ABCC9: variants seen among roughly 807,000 people sequenced by gnomAD.
ABCC9 encodes ATP-binding cassette sub-family C member 9.
ABCC9 carries 95 observed loss-of-function variants against 188.3 expected under a neutral mutation model. The ratio of observed to expected loss-of-function variants is 0.50; its 90% CI spans 0.43 to 0.60. The LOEUF is 0.60. Among genes scored for constraint, ABCC9 ranks in the 20% least tolerant of loss-of-function variants. The pLI, the probability that ABCC9 is intolerant of heterozygous loss-of-function variation, is 0.00. For missense variants in ABCC9, 1,102 were observed against 1,876.3 expected, an observed-to-expected ratio of 0.59 and a Z score of 7.62; for synonymous variants, 659 against 652.7, an observed-to-expected ratio of 1.01 and a Z score of -0.15.
At chr12:21,899,611 C>G (rs1029210009) in intron 12 of ABCC9, among the ~76,000 whole-genome samples, 12 of 152,228 alleles carry the variant, frequency 7.9e-5, no homozygotes, top group African/African-American at 2.9e-4. Context: ...CACTCCCACT[C>G]TAATACTGTG....
At chr12:21,828,728 A>AATG (rs1943537055) in intron 31 of ABCC9, among the ~76,000 whole-genome samples, 1 of 152,200 alleles carries the variant, frequency 6.6e-6, no homozygotes, top group Non-Finnish European at 1.5e-5. Flanking sequence ...TCTAGAAACT[A>AATG]ATGAACACAA....
At chr12:21,887,758 A>G in intron 15 of ABCC9, 68 bp downstream of exon 15, 1 of 1,024,654 alleles carries the variant, frequency 9.8e-7, no homozygotes, top group South Asian at 1.3e-5. Flanking sequence ...ACTCAGTTGT[A>G]TTAATCTGTC....
intron 31 of ABCC9, among the ~76,000 whole-genome samples, chr12:21,825,445 A>G (rs58291806): frequency 0.058 from 8,787 of 152,316 alleles, 356 homozygotes; most frequent in South Asian, 0.11. Context: ...CATATACACC[A>G]TGGAATACTA....
intron 36 of ABCC9, among the ~76,000 whole-genome samples, chr12:21,811,519 C>T (rs1237176878): frequency 2.6e-5 from 4 of 151,878 alleles, no homozygotes; most frequent in Admixed American, 6.6e-5. Context: ...CCTAGAGTAA[C>T]GGTTTGAGAA....
chr12:21,917,682 T>C (rs1412148671), intron 5 of ABCC9, among the ~76,000 whole-genome samples: 1 of 152,166 alleles, frequency 6.6e-6, no homozygotes, highest in Non-Finnish European at 1.5e-5. Flanking sequence ...AATGGTCTTA[T>C]AGAGCGAACT....
intron 5 of ABCC9, among the ~76,000 whole-genome samples, chr12:21,920,180 C>G (rs1948754848): frequency 6.6e-6 from 1 of 151,800 alleles, no homozygotes; most frequent in Non-Finnish European, 1.5e-5. Flanking sequence ...AATCAGGAAC[C>G]AGAGAGGATT....
At chr12:21,893,874 TAAATA>T (rs1947284144) in intron 14 of ABCC9, among the ~76,000 whole-genome samples, 153 bp downstream of exon 14, 1 of 152,124 alleles carries the variant, frequency 6.6e-6, no homozygotes, top group South Asian at 2.1e-4. Flanking sequence ...TTACATGAAA[TAAATA>T]AAAGACTGAA....
intron 3 of ABCC9, among the ~76,000 whole-genome samples, chr12:21,934,947 T>C (rs906643197): frequency 6.6e-6 from 1 of 152,088 alleles, no homozygotes; most frequent in Non-Finnish European, 1.5e-5. Context: ...CATAGGCAAG[T>C]TCTATGTCTT....
chr12:21,912,708 T>A (rs1948376161), intron 8 of ABCC9, among the ~76,000 whole-genome samples, 164 bp downstream of exon 8: 1 of 151,984 alleles, frequency 6.6e-6, no homozygotes. Context: ...AAACACGTGA[T>A]TTTTTTCTAA....
chr12:21,940,110 G>A (rs927868265), intron 2 of ABCC9, among the ~76,000 whole-genome samples: 6 of 152,206 alleles, frequency 3.9e-5, no homozygotes, highest in Admixed American at 2.0e-4. Context: ...TTTGGAAATA[G>A]ACTACAAGTA....
At chr12:21,805,266 A>G in intron 39 of ABCC9, 1 of 1,614,102 alleles carries the variant, frequency 6.2e-7, no homozygotes, top group Non-Finnish European at 8.5e-7. Context: ...ATACCCTCAG[A>G]AAAGACTAAA....
At chr12:21,923,110 C>T (rs1032092490) in intron 5 of ABCC9, 1 of 147,350 alleles carries the variant, frequency 6.8e-6, no homozygotes, top group African/African-American at 2.5e-5. Context: ...ACTTTGACAC[C>T]TATCTTACAC....
At chr12:21,819,598 A>G (rs1942907361) in intron 31 of ABCC9, among the ~76,000 whole-genome samples, 1 of 152,200 alleles carries the variant, frequency 6.6e-6, no homozygotes, top group African/African-American at 2.4e-5. Flanking sequence ...TCCTTGAAAA[A>G]TAGAAATGAT....
chr12:21,827,106 AC>A, intron 31 of ABCC9: 1 of 985,270 alleles, frequency 1.0e-6, no homozygotes, highest in Non-Finnish European at 1.2e-6. Flanking sequence ...CTGCTTTTTC[AC>A]GTGGGGGTTA....
intron 26 of ABCC9, 116 bp downstream of exon 26, chr12:21,845,487 A>G: frequency 1.3e-6 from 1 of 783,686 alleles, no homozygotes; most frequent in Non-Finnish European, 2.1e-6. Context: ...AACTTATTAA[A>G]TTATCACAGA....
intron 35 of ABCC9, among the ~76,000 whole-genome samples, chr12:21,813,891 C>T (rs543369659): frequency 5.7e-4 from 87 of 152,194 alleles, no homozygotes; most frequent in African/African-American, 1.9e-3. Context: ...CTATAGTCAT[C>T]GTAATCATTA....
At chr12:21,855,347 C>T (rs973397663) in intron 22 of ABCC9, among the ~76,000 whole-genome samples, 1 of 152,026 alleles carries the variant, frequency 6.6e-6, no homozygotes, top group African/African-American at 2.4e-5. Flanking sequence ...AGCCTCCCAA[C>T]TTACTGGGAT....
At chr12:21,916,898 T>C (rs751225744) in intron 6 of ABCC9, 39 bp downstream of exon 6, 2 of 1,561,590 alleles carry the variant, frequency 1.3e-6, no homozygotes, top group Non-Finnish European at 1.7e-6. Context: ...ATTGGGGTCT[T>C]GAATCCAAGT....
At chr12:21,811,465 G>T (rs1322592813) in intron 36 of ABCC9, among the ~76,000 whole-genome samples, 1 of 152,070 alleles carries the variant, frequency 6.6e-6, no homozygotes, top group African/African-American at 2.4e-5. Flanking sequence ...GCTTCTTTGA[G>T]TTTCAAAACC....
Sources: gnomAD v4.1 joint callset for allele counts (sites outside exome capture counted in the v4.1 genomes callset) on GRCh38, gnomAD v4.1.1 for gene constraint, MANE v1.5 for transcripts, NCBI Gene and HGNC (gene_info 2026-07-23, HGNC 2026-07-21) for gene names.